The following MYT1L variants were observed in gnomAD, a reference collection of about 807,000 sequenced individuals.
The protein encoded by MYT1L is myelin transcription factor 1 like, also known as myelin transcription factor 1-like protein.
Under a neutral mutation model 126.7 loss-of-function variants are expected in MYT1L, and 12 were observed. The ratio of observed to expected loss-of-function variants is 0.09; its 90% CI spans 0.06 to 0.15. MYT1L has a LOEUF of 0.15. Ranked by LOEUF, MYT1L falls within the 10% of genes least tolerant of loss-of-function variation. MYT1L has a pLI of 1.00. For missense variants in MYT1L, 979 were observed against 1,585.2 expected (o/e 0.62, Z 6.49); for synonymous variants, 541 against 604.2 (o/e 0.90, Z 1.53).
chr2:2,175,452 T>C (rs2090622847), intron 2 of MYT1L, among the ~76,000 whole-genome samples: 1 of 152,076 alleles, frequency 6.6e-6, no homozygotes, highest in Non-Finnish European at 1.5e-5. Context: ...ACGCTCTTTG[T>C]TTTTCACCCT....
At chr2:1,867,373 G>A (rs2045715072) in intron 18 of MYT1L, among the ~76,000 whole-genome samples, 1 of 152,170 alleles carries the variant, frequency 6.6e-6, no homozygotes, top group South Asian at 2.1e-4. Flanking sequence ...TCTCACCCCG[G>A]TGCCCCACAG....
intron 4 of MYT1L, among the ~76,000 whole-genome samples, chr2:2,015,039 C>T (rs961264381): frequency 2.6e-4 from 40 of 152,150 alleles, no homozygotes; most frequent in African/African-American, 8.7e-4. Context: ...GTGATCTTTT[C>T]GGCCCTAATT....
chr2:1,871,258 A>G (rs1159943905), intron 18 of MYT1L, among the ~76,000 whole-genome samples: 4 of 152,252 alleles, frequency 2.6e-5, no homozygotes, highest in African/African-American at 9.6e-5. Context: ...TGCTACGGAA[A>G]TCTCTGTGTG....
At chr2:2,316,863 T>C (rs1454373613) in intron 1 of MYT1L, among the ~76,000 whole-genome samples, 3 of 151,914 alleles carry the variant, frequency 2.0e-5, no homozygotes, top group African/African-American at 7.3e-5. Flanking sequence ...GAGGATGGAG[T>C]GCAGTGGCGT....
intron 9 of MYT1L, among the ~76,000 whole-genome samples, chr2:1,937,930 A>G (rs185733762): frequency 5.2e-4 from 79 of 152,370 alleles, no homozygotes; most frequent in African/African-American, 1.8e-3. Context: ...AGACTTTAGA[A>G]AAGGAAGACA....
intron 3 of MYT1L, among the ~76,000 whole-genome samples, chr2:2,147,779 G>A (rs1186732712): frequency 6.6e-6 from 1 of 152,206 alleles, no homozygotes; most frequent in Non-Finnish European, 1.5e-5. Flanking sequence ...GGACAGCTGG[G>A]GCACATAGCA....
chr2:1,967,438 C>T (rs766800772), intron 8 of MYT1L, among the ~76,000 whole-genome samples: 3 of 152,188 alleles, frequency 2.0e-5, no homozygotes, highest in Non-Finnish European at 4.4e-5. Flanking sequence ...CCGGGGTGAA[C>T]GCGTGCTAAA....
chr2:2,221,410 T>C (rs1203270330), intron 2 of MYT1L, among the ~76,000 whole-genome samples: 1 of 152,118 alleles, frequency 6.6e-6, no homozygotes, highest in East Asian at 1.9e-4. Flanking sequence ...TGCTCAGAGC[T>C]TGCAATGGGC....
In MYT1L at chr2:1,922,940, A is replaced by G. The variant is rs750027077; in HGVS notation, c.829T>C (p.Ser277Pro). The change falls in exon 10 of 25, where the codon TCA (serine) becomes CCA (proline). Residue 277 changes from serine to proline, a missense_variant. Coordinates refer to ENST00000647738, the MANE Select transcript of MYT1L (RefSeq NM_001303052.2). The surrounding 1 kb of genome is among the most constrained non-coding windows in gnomAD (Gnocchi z 7.4). ...LLAQGHGVVLSENMNDRNYAD... is the reference protein window; with the variant it reads ...LLAQGHGVVLPENMNDRNYAD... ...TAATTTCTGTCATTCATGTTTTCTGAGAGCACAACACCGTGTCCTTGGGCT... is the reference window on the plus strand; with the variant it reads ...TAATTTCTGTCATTCATGTTTTCTGGGAGCACAACACCGTGTCCTTGGGCT... The G allele has an allele frequency of 1.2e-6, 2 of 1,614,008 alleles. No individual in the cohort carries two copies. Among genetic ancestry groups the G allele is most frequent in the Non-Finnish European group, 1.7e-6 (2 of 1,179,890 alleles).
rs1174774972 is a variant in MYT1L, at chr2:1,910,499, T to A, written c.1710-152A>T. On this transcript the variant is annotated intron_variant, in intron 12 of 24. Coordinates refer to ENST00000647738, the MANE Select transcript of MYT1L (RefSeq NM_001303052.2). This position sits in a 1 kb window ranked among gnomAD's most constrained non-coding sequence, Gnocchi z 4.8. ...GCACAGGCAGTCCTGATGGGTGGAC[T>A]GGGAGAGGGGGAGGTAGTCATGTTT... Among the ~76,000 whole-genome samples the A allele has an allele frequency of 6.6e-6, 1 of 152,084 alleles. No individual in the cohort carries two copies. The highest frequency in any genetic ancestry group is 2.4e-5 in the African/African-American group (1 of 41,406).
At chr2:2,271,818 C>T (rs1272387499) in intron 2 of MYT1L, among the ~76,000 whole-genome samples, 1 of 152,192 alleles carries the variant, frequency 6.6e-6, no homozygotes, top group African/African-American at 2.4e-5. Flanking sequence ...CTCATTCCAC[C>T]CCAACGACAT....
chr2:2,318,932 G>A (rs1165499906), intron 1 of MYT1L, among the ~76,000 whole-genome samples: 1 of 152,140 alleles, frequency 6.6e-6, no homozygotes, highest in Non-Finnish European at 1.5e-5. Context: ...GTCTTTTACA[G>A]GGAGTAATGG....
chr2:2,202,537 T>A (rs573033269), intron 2 of MYT1L, among the ~76,000 whole-genome samples: 2 of 152,218 alleles, frequency 1.3e-5, no homozygotes, highest in South Asian at 4.2e-4. Flanking sequence ...ATGGATAAAT[T>A]CATCAACACA....
At chr2:1,870,716 C>T (rs2046173785) in intron 18 of MYT1L, among the ~76,000 whole-genome samples, 2 of 152,180 alleles carry the variant, frequency 1.3e-5, no homozygotes, top group African/African-American at 4.8e-5. Context: ...TTGTCAGAGC[C>T]TATGGCACAC....
chr2:2,236,802 CTT>C (rs2094327610), intron 2 of MYT1L, among the ~76,000 whole-genome samples: 1 of 18,240 alleles, frequency 5.5e-5, no homozygotes, highest in Non-Finnish European at 8.6e-5. Context: ...TCTTCTTCTT[CTT>C]CTTCTTCTTC....
intron 3 of MYT1L, among the ~76,000 whole-genome samples, chr2:2,100,130 T>C (rs1301076308): frequency 2.0e-5 from 3 of 152,228 alleles, no homozygotes; most frequent in Non-Finnish European, 2.9e-5. Flanking sequence ...AGGTTCAATA[T>C]GGAGACAGAA....
intron 4 of MYT1L, among the ~76,000 whole-genome samples, chr2:2,015,989 A>G (rs2064345783): frequency 6.6e-6 from 1 of 152,216 alleles, no homozygotes; most frequent in Non-Finnish European, 1.5e-5. Context: ...AAAGTTAATG[A>G]GGGAGGGGCT....
At chr2:1,845,096 G>A (rs571773129) in intron 19 of MYT1L, among the ~76,000 whole-genome samples, 27 of 151,678 alleles carry the variant, frequency 1.8e-4, no homozygotes, top group Non-Finnish European at 2.9e-4. Flanking sequence ...CTCCTGCCTC[G>A]GCCTCCTGAG....
At chr2:2,283,464 T>G (rs2095477788) in intron 2 of MYT1L, among the ~76,000 whole-genome samples, 1 of 152,196 alleles carries the variant, frequency 6.6e-6, no homozygotes, top group Admixed American at 6.5e-5. Context: ...AGATGATGCC[T>G]TGAAAAGTAT....
Sources: gnomAD v4.1 joint callset for allele counts (sites outside exome capture counted in the v4.1 genomes callset) on GRCh38, gnomAD v4.1.1 for gene constraint, Gnocchi (gnomAD v3.1) non-coding constraint, MANE v1.5 for transcripts, NCBI Gene and HGNC (gene_info 2026-07-23, HGNC 2026-07-21) for gene names.